PCDHA4: variants seen among roughly 807,000 people sequenced by gnomAD.
PCDHA4 encodes protocadherin alpha 4, also known as protocadherin alpha-4.
A neutral mutation model predicts 61.4 loss-of-function variants in PCDHA4; 49 were observed. The observed-to-expected ratio is 0.80, with a 90% confidence interval of 0.63 to 1.01. The LOEUF (loss-of-function observed/expected upper bound fraction) is 1.01, where lower values mean the gene tolerates loss of function less well. Ranked by LOEUF, PCDHA4 falls within the 50% of genes least tolerant of loss-of-function variation. The pLI is 0.00. For synonymous variants in PCDHA4, 590 were observed against 550.3 expected (o/e 1.07, Z -1.01); for missense variants, 1,254 against 1,235.8 (o/e 1.01, Z -0.22).
chr5:140,836,286 C>A (rs146878440), intron 1 of PCDHA4: 2 of 1,613,774 alleles, frequency 1.2e-6, no homozygotes, highest in East Asian at 2.2e-5. Context: ...CAGCACGACA[C>A]GAGCCCTAGA....
At position 140,969,519 on chromosome 5, in the gene PCDHA4, G is replaced by A. The variant is rs1586385280; in HGVS notation, c.2386-9430G>A. On this transcript the variant is annotated intron_variant, in intron 1 of 3. Transcript: ENST00000530339. ...TCTAGAAAAATAGCACTAAAGAATTGTTTTATTTTTCATTTTCAGAGGCAT... is the reference window on the plus strand; with the variant it reads ...TCTAGAAAAATAGCACTAAAGAATTATTTTATTTTTCATTTTCAGAGGCAT... The A allele has an allele frequency of 3.6e-6, 5 of 1,406,074 alleles. No individual in the cohort carries two copies. The East Asian group carries it at 1.3e-4, about 35-fold the overall frequency. 87.1% of individuals were successfully genotyped at this position (1,406,074 alleles called of 1,614,324 possible). A position where few individuals can be genotyped will look rare whatever the true frequency, so the allele number is the denominator to read the frequency against.
chr5:140,851,970 CTACCTT>C, intron 1 of PCDHA4: 3 of 977,062 alleles, frequency 3.1e-6, no homozygotes, highest in Non-Finnish European at 2.5e-6. Context: ...TTTCCACACT[CTACCTT>C]TAGTGCAAGC....
intron 3 of PCDHA4, among the ~76,000 whole-genome samples, chr5:141,004,282 G>T (rs1444607316): frequency 3.3e-5 from 5 of 152,190 alleles, no homozygotes; most frequent in African/African-American, 1.2e-4. Context: ...ACATGCTGCT[G>T]AGCTCTCAGA....
chr5:140,871,999 T>C (rs116431688), intron 1 of PCDHA4, among the ~76,000 whole-genome samples: 316 of 152,330 alleles, frequency 2.1e-3, no homozygotes, highest in African/African-American at 7.4e-3. Flanking sequence ...CAGTGGCTAT[T>C]TACAGGTGAC....
chr5:140,881,680 T>G (rs1391876461), intron 1 of PCDHA4, among the ~76,000 whole-genome samples: 1 of 152,268 alleles, frequency 6.6e-6, no homozygotes. Flanking sequence ...GTGATTGTTA[T>G]GTTTCCTTTT....
At chr5:140,942,364 A>AT (rs1401660324) in intron 1 of PCDHA4, among the ~76,000 whole-genome samples, 1 of 152,040 alleles carries the variant, frequency 6.6e-6, no homozygotes, top group Non-Finnish European at 1.5e-5. Context: ...GTTAACGGAG[A>AT]TTGCACCACT....
intron 1 of PCDHA4, chr5:140,871,154 G>T (rs781880372): frequency 2.5e-5 from 41 of 1,613,308 alleles, no homozygotes; most frequent in Non-Finnish European, 3.5e-5. Flanking sequence ...ACTTTGGCGG[G>T]CGCCGCGAGC....
At position 140,809,156 on chromosome 5, in the gene PCDHA4, C is replaced by T. The variant is rs142332964; in HGVS notation, c.1969C>T (p.Pro657Ser). 2.7e-5 allele frequency: 44 copies of T among 1,613,980 alleles called. No homozygotes were observed. The South Asian group carries it at 4.6e-4, about 17-fold the overall frequency. Residue 657 changes from proline to serine, a missense_variant, in exon 1 of 4, where the codon CCC becomes TCC. Coordinates refer to ENST00000530339, the MANE Select transcript of PCDHA4 (RefSeq NM_018907.4). Reference protein sequence around the residue: ...LLVLVKDHGEPALTATATVLV... With the variant: ...LLVLVKDHGESALTATATVLV... ...GGTACTGGTGAAGGACCACGGCGAG[C>T]CCGCGCTGACGGCCACGGCCACTGT...
At chr5:140,917,637 A>T (rs1257346290) in intron 1 of PCDHA4, among the ~76,000 whole-genome samples, 1 of 152,192 alleles carries the variant, frequency 6.6e-6, no homozygotes, top group Non-Finnish European at 1.5e-5. Context: ...TTAGCTAGTT[A>T]TCCCAGCAAT....
At chr5:140,910,874 A>T (rs1285814930) in intron 1 of PCDHA4, among the ~76,000 whole-genome samples, 2 of 151,996 alleles carry the variant, frequency 1.3e-5, no homozygotes, top group African/African-American at 4.8e-5. Flanking sequence ...ATTATCCCAC[A>T]CCCTTAATAT....
At chr5:140,883,763 G>T (rs782611304) in intron 1 of PCDHA4, 4 of 1,612,740 alleles carry the variant, frequency 2.5e-6, no homozygotes, top group Non-Finnish European at 3.4e-6. Flanking sequence ...GGAGCGGCGG[G>T]TGGGCGAGCG....
At chr5:140,815,798 C>T (rs1286964412) in intron 1 of PCDHA4, 3 of 152,150 alleles carry the variant, frequency 2.0e-5, no homozygotes, top group Non-Finnish European at 4.4e-5. Flanking sequence ...TTTTGTTTAA[C>T]TGGGAAGGTC....
intron 1 of PCDHA4, chr5:140,878,024 G>A (rs2057444305): frequency 7.9e-6 from 6 of 757,742 alleles, no homozygotes; most frequent in South Asian, 2.8e-5. Context: ...AAGGAAATAT[G>A]TAGGTACAAT....
intron 1 of PCDHA4, chr5:140,877,946 C>T (rs996993086): frequency 3.2e-5 from 43 of 1,349,440 alleles, no homozygotes; most frequent in Non-Finnish European, 4.0e-5. Context: ...TTTAAACTAT[C>T]GAATGTCTCA....
intron 1 of PCDHA4, chr5:140,869,184 G>C: frequency 6.2e-7 from 1 of 1,613,954 alleles, no homozygotes; most frequent in Non-Finnish European, 8.5e-7. Context: ...GGGAGGTGGG[G>C]AGCGGCCAGC....
At chr5:140,824,621 T>TTTTTTTTTTG (rs1768258385) in intron 1 of PCDHA4, 1 of 130,846 alleles carries the variant, frequency 7.6e-6, no homozygotes, top group South Asian at 2.3e-4. Context: ...TTTTTTTTTT[T>TTTTTTTTTTG]TTTTTTTTTT....
chr5:140,824,992 A>T (rs1272467499), intron 1 of PCDHA4: 2 of 152,122 alleles, frequency 1.3e-5, no homozygotes, highest in Non-Finnish European at 2.9e-5. Context: ...GGAAACACAT[A>T]TACATGGTTT....
rs1355762346 is a variant in PCDHA4 at position 140,807,579 on chromosome 5, C to T, written c.392C>T (p.Pro131Leu). ...GTGAGGGACATTAACGATAACCCGC[C>T]GGTGTTCCCAGCAACACAAAAGAAC... is the stretch of plus-strand genomic sequence containing the variant. ...VEVRDINDNP[P>L]VFPATQKNLS... The change falls in exon 1 of 4, where the codon CCG becomes CTG. Residue 131 changes from proline to leucine, a missense_variant. Physicochemically the swap from Pro to Leu is moderately conservative, Grantham distance 98 (BLOSUM62 -3). Coordinates refer to ENST00000530339, the MANE Select transcript of PCDHA4 (RefSeq NM_018907.4). 2.5e-6 allele frequency: 4 copies of T among 1,614,044 alleles called. No homozygotes were observed. Among genetic ancestry groups the T allele is most frequent in the African/African-American group, 1.3e-5 (1 of 74,900 alleles).
intron 1 of PCDHA4, among the ~76,000 whole-genome samples, chr5:140,952,753 A>T (rs782624078): frequency 4.6e-5 from 7 of 152,194 alleles, no homozygotes; most frequent in Non-Finnish European, 1.0e-4. Context: ...CTATAAAAAC[A>T]CCTGAGACTG....
Sources: allele counts gnomAD v4.1 joint callset (sites outside exome capture counted in the v4.1 genomes callset), GRCh38; gene constraint gnomAD v4.1.1; transcripts MANE v1.5; gene names NCBI Gene and HGNC (gene_info 2026-07-23, HGNC 2026-07-21).